Variants in FNDC3B observed in about 807,000 individuals in gnomAD.
The protein encoded by FNDC3B is fibronectin type III domain containing 3B.
A neutral mutation model predicts 151.5 loss-of-function variants in FNDC3B; 12 were observed. The observed-to-expected ratio is 0.08, with a 90% CI of 0.05 to 0.13. FNDC3B has a LOEUF of 0.13. Among genes scored for constraint, FNDC3B ranks in the 10% least tolerant of loss-of-function variants. The probability of loss-of-function intolerance (pLI) is 1.00; values close to 1 mark genes in which losing one functional copy is unlikely to be tolerated. For missense variants in FNDC3B, 1,214 were observed against 1,505.3 expected (o/e 0.81, Z 3.20); for synonymous variants, 528 against 549.0 (o/e 0.96, Z 0.54).
intron 3 of FNDC3B, among the ~76,000 whole-genome samples, chr3:172,134,912 T>G (rs1455026392): frequency 1.3e-5 from 2 of 151,974 alleles, no homozygotes; most frequent in Admixed American, 1.3e-4. Context: ...CTATAGAGTC[T>G]TTCACCTATT....
chr3:172,186,310 C>T (rs1724177945), intron 3 of FNDC3B, among the ~76,000 whole-genome samples: 1 of 152,100 alleles, frequency 6.6e-6, no homozygotes, highest in Non-Finnish European at 1.5e-5. Context: ...TTCTCCTCAC[C>T]CTCATAACAT....
chr3:172,108,232 G>A (rs1288693509), intron 1 of FNDC3B, among the ~76,000 whole-genome samples: 1 of 151,924 alleles, frequency 6.6e-6, no homozygotes, highest in East Asian at 1.9e-4. Flanking sequence ...AGGTCAAAAT[G>A]TTTCAGTAAC....
At chr3:172,232,181 A>G (rs13060354) in intron 4 of FNDC3B, among the ~76,000 whole-genome samples, 38,871 of 151,970 alleles carry the variant, frequency 0.26, 5,120 homozygotes, top group East Asian at 0.44. Flanking sequence ...ACACCCTGCC[A>G]GTATGGTCTT....
At chr3:172,270,403 G>A (rs958731973) in intron 6 of FNDC3B, among the ~76,000 whole-genome samples, 4 of 152,194 alleles carry the variant, frequency 2.6e-5, no homozygotes, top group Non-Finnish European at 2.9e-5. Context: ...CCCTGCTCCA[G>A]TTCTCTGTGC....
At chr3:172,369,828 G>A (rs1359533720) in intron 23 of FNDC3B, among the ~76,000 whole-genome samples, 1 of 152,126 alleles carries the variant, frequency 6.6e-6, no homozygotes, top group Admixed American at 6.5e-5. Flanking sequence ...CAGAGTGAGG[G>A]CGAATACTAT....
Position 172,381,057 on chromosome 3 carries a change from G to A in FNDC3B, c.3267G>A (p.Leu1089=). 6.2e-7 allele frequency: 1 copy of A among 1,613,806 alleles called. No homozygotes were observed. Among genetic ancestry groups the A allele is most frequent in the Non-Finnish European group, 8.5e-7 (1 of 1,179,730 alleles). ...SMKGDPVNYI[L]QVLVGRESEY... Reference sequence around the variant, plus strand: ...AAGGTGACCCTGTTAACTACATTCTGCAGGTATTGGTTGGAAGAGAATCTG... The same window carrying A: ...AAGGTGACCCTGTTAACTACATTCTACAGGTATTGGTTGGAAGAGAATCTG... Residue 1089 remains leucine (L), a synonymous_variant, in exon 25 of 26, where the codon CTG becomes CTA. Transcript: ENST00000415807.
chr3:172,400,265 G>T lies in FNDC3B; in HGVS notation c.*2790G>T, dbSNP rs1640587968. On this transcript the variant is annotated 3_prime_UTR_variant, in exon 26 of 26. Transcript: ENST00000415807. ...AAGCAAACTGCCCTTTGTCCTCAAA[G>T]AAATTGTTGAAAAAGAAAACTTTTT... 6.6e-6 allele frequency: 1 copy of T among 152,354 alleles called. No individual in the cohort carries two copies. The highest frequency in any genetic ancestry group is 2.4e-5 in the African/African-American group (1 of 41,428). The allele number at this position is 152,354 out of a possible 1,614,324, so 9.4% of individuals were successfully genotyped here. A position where few individuals can be genotyped will look rare whatever the true frequency, so the allele number is the denominator to read the frequency against.
At chr3:172,310,927 A>G (rs766228369) in intron 11 of FNDC3B, 46 bp downstream of exon 11, 4 of 1,294,646 alleles carry the variant, frequency 3.1e-6, no homozygotes, top group South Asian at 1.2e-5. Context: ...CATTTCAAAA[A>G]CAAAATTAAC....
chr3:172,399,483 A>C lies in FNDC3B; in HGVS notation c.*2008A>C, dbSNP rs1013046081. 6.6e-6 allele frequency: 1 copy of C among 152,642 alleles called. No homozygotes were observed. The highest frequency in any genetic ancestry group is 2.4e-5 in the African/African-American group (1 of 41,460). 9.5% of individuals were successfully genotyped at this position (152,642 alleles called of 1,614,324 possible). On this transcript the variant is annotated 3_prime_UTR_variant, in exon 26 of 26. Transcript: ENST00000415807. ...TGGAAGAAAATGCTGAGATCAATGA[A>C]TTATTCTGTGTGCCTATATTGACGT... is the stretch of plus-strand genomic sequence containing the variant.
At chr3:172,314,544 C>G (rs1313373451) in intron 11 of FNDC3B, among the ~76,000 whole-genome samples, 1 of 152,174 alleles carries the variant, frequency 6.6e-6, no homozygotes, top group Non-Finnish European at 1.5e-5. Context: ...TACAGTATAA[C>G]AGCATGGATT....
At chr3:172,270,237 T>G (rs1729132160) in intron 6 of FNDC3B, among the ~76,000 whole-genome samples, 1 of 152,236 alleles carries the variant, frequency 6.6e-6, no homozygotes, top group Non-Finnish European at 1.5e-5. Context: ...TGTTACTCTC[T>G]TTGCTGGTCT....
At chr3:172,071,307 G>C (rs918474369) in intron 1 of FNDC3B, among the ~76,000 whole-genome samples, 1 of 152,106 alleles carries the variant, frequency 6.6e-6, no homozygotes, top group African/African-American at 2.4e-5. Context: ...AATTTTCATT[G>C]AGTTGGATAT....
chr3:172,323,562 C>T (rs578073487), intron 11 of FNDC3B, among the ~76,000 whole-genome samples: 2 of 152,322 alleles, frequency 1.3e-5, no homozygotes, highest in South Asian at 4.1e-4. Flanking sequence ...AACAGTATTT[C>T]TCCCTTGTGG....
chr3:172,164,073 G>C (rs1722901959), intron 3 of FNDC3B, among the ~76,000 whole-genome samples: 2 of 152,118 alleles, frequency 1.3e-5, no homozygotes, highest in South Asian at 4.1e-4. Context: ...AGTGGACATT[G>C]GGCTACCTGA....
At chr3:172,263,296 A>C (rs1412182042) in intron 6 of FNDC3B, among the ~76,000 whole-genome samples, 1 of 151,692 alleles carries the variant, frequency 6.6e-6, no homozygotes, top group Non-Finnish European at 1.5e-5. Flanking sequence ...TTTCCTTTTT[A>C]TTTGAAAAGA....
intron 4 of FNDC3B, among the ~76,000 whole-genome samples, chr3:172,244,023 A>G (rs1183478645): frequency 6.6e-6 from 1 of 152,152 alleles, no homozygotes; most frequent in Non-Finnish European, 1.5e-5. Context: ...ATTTATTCTG[A>G]TTTCTGAAAT....
chr3:172,158,009 A>G (rs919735046), intron 3 of FNDC3B, among the ~76,000 whole-genome samples: 17 of 151,860 alleles, frequency 1.1e-4, no homozygotes, highest in Non-Finnish European at 2.2e-4. Flanking sequence ...GACCTTTTTC[A>G]CTCCTTCTAC....
At chr3:172,077,434 C>T (rs150947955) in intron 1 of FNDC3B, among the ~76,000 whole-genome samples, 7 of 152,298 alleles carry the variant, frequency 4.6e-5, no homozygotes, top group East Asian at 1.9e-4. Flanking sequence ...ATTGATCCAG[C>T]GGTGTGAAAA....
chr3:172,186,561 G>A (rs1724196265), intron 3 of FNDC3B: 1 of 591,740 alleles, frequency 1.7e-6, no homozygotes, highest in South Asian at 2.1e-5. Flanking sequence ...CAAATTCCTG[G>A]TTTCTAGTGT....
Sources: allele counts gnomAD v4.1 joint callset (sites outside exome capture counted in the v4.1 genomes callset), GRCh38; gene constraint gnomAD v4.1.1; transcripts MANE v1.5; gene names NCBI Gene and HGNC (gene_info 2026-07-23, HGNC 2026-07-21).